The following CEND1 variants were observed in gnomAD, a reference collection of about 807,000 sequenced individuals.
The protein encoded by CEND1 is cell cycle exit and neuronal differentiation protein 1.
In CEND1, 1 loss-of-function variant was observed where a neutral mutation model predicts 4.4. That is an observed-to-expected ratio of 0.23 (90% CI 0.08 to 1.09). The LOEUF (loss-of-function observed/expected upper bound fraction) is 1.09. Ranked by LOEUF, CEND1 falls within the 50% of genes least tolerant of loss-of-function variation. CEND1 has a pLI of 0.55. For synonymous variants in CEND1, 109 were observed against 93.0 expected (o/e 1.17, Z -0.99); for missense variants, 213 against 201.2 (o/e 1.06, Z -0.35).
Position 788,315 on chromosome 11 carries a change from G to T in CEND1, c.262C>A (p.Pro88Thr). The T allele has an allele frequency of 6.2e-7, 1 of 1,607,398 alleles. No homozygotes were observed. The highest frequency in any genetic ancestry group is 8.5e-7 in the Non-Finnish European group (1 of 1,175,272). Reference sequence around the variant, plus strand: ...CCCTTGGGCTCCGGGGTTGCATCGGGACTGCTGGGGACCGTGGGGGCTGGC... The same window carrying T: ...CCCTTGGGCTCCGGGGTTGCATCGGTACTGCTGGGGACCGTGGGGGCTGGC... ...LKPAPTVPSS[P>T]DATPEPKGPG... The change falls in exon 2 of 2, where the codon CCC (proline) becomes ACC (threonine). Residue 88 changes from proline to threonine, a missense_variant. Pro to Thr is a conservative substitution (Grantham distance 38). Coordinates refer to ENST00000330106, the MANE Select transcript of CEND1 (RefSeq NM_016564.4).
rs1276004834 is a variant in CEND1 at position 788,246 on chromosome 11, G to A, written c.331C>T (p.Pro111Ser). Residue 111 changes from proline to serine, a missense_variant, in exon 2 of 2, where the codon CCT becomes TCT. By Grantham distance (74) the Pro-to-Ser change is moderately conservative (BLOSUM62 -1). Coordinates refer to ENST00000330106, the MANE Select transcript of CEND1 (RefSeq NM_016564.4). ...AEEDEAASGG[P>S]GGRGPWSCEN... Reference sequence around the variant, plus strand: ...CAGGACCAGGGACCTCGGCCCCCAGGCCCCCCACTGGCAGCCTCATCTTCC... The same window carrying A: ...CAGGACCAGGGACCTCGGCCCCCAGACCCCCCACTGGCAGCCTCATCTTCC... 1 of 1,610,852 alleles carries A rather than the reference G, an allele frequency of 6.2e-7. No homozygotes were observed. The highest frequency in any genetic ancestry group is 2.2e-5 in the East Asian group (1 of 44,774).
chr11:788,015 G>T lies in CEND1; in HGVS notation c.*112C>A. 1 of 837,114 alleles carries T rather than the reference G, an allele frequency of 1.2e-6. No homozygotes were observed. Among genetic ancestry groups the T allele is most frequent in the Non-Finnish European group, 1.7e-6 (1 of 572,160 alleles). 51.9% of individuals were successfully genotyped at this position (837,114 alleles called of 1,614,324 possible). A position where few individuals can be genotyped will look rare whatever the true frequency, so the allele number is the denominator to read the frequency against. On this transcript the variant is annotated 3_prime_UTR_variant, in exon 2 of 2. Transcript: ENST00000330106. The stretch of plus-strand genomic sequence containing the variant: ...GCGCGTGTGTTGGGGGCGTATGTAG[G>T]TGTGTAATGAATGTGCGTGTGTACG...
rs1339721858 is a variant in CEND1, at chr11:790,085, G to A, written c.-138C>T. 1 of 152,228 alleles carries A rather than the reference G, an allele frequency of 6.6e-6. No homozygotes were observed. The highest frequency in any genetic ancestry group is 1.5e-5 in the Non-Finnish European group (1 of 67,974). The allele number at this position is 152,228 out of a possible 1,614,324, so 9.4% of individuals were successfully genotyped here. On this transcript the variant is annotated 5_prime_UTR_variant, in exon 1 of 2. Transcript: ENST00000330106. ...TCCTCCGCGGGATGACGGCGGCTGC[G>A]AACGCGGAGGAGAGCTCGGGAGTTT...
chr11:788,201 G>T lies in CEND1; in HGVS notation c.376C>A (p.Leu126Met), dbSNP rs754102047. The T allele has an allele frequency of 6.2e-7, 1 of 1,608,424 alleles. No individual in the cohort carries two copies. The highest frequency in any genetic ancestry group is 1.1e-5 in the South Asian group (1 of 90,430). ...GCCACGGCCACACCCCCAGCCACCA[G>T]CAGGGGGTTGAAGTTCTCACAGGAC... The part of the protein sequence containing the change: ...PWSCENFNPL[L>M]VAGGVAVAAI... The change falls in exon 2 of 2, where the codon CTG becomes ATG. Residue 126 changes from leucine (L) to methionine (M), a missense_variant. By Grantham distance (15) the Leu-to-Met change is conservative (BLOSUM62 2). Coordinates refer to ENST00000330106, the MANE Select transcript of CEND1 (RefSeq NM_016564.4).
rs539460028 is a variant in CEND1, at chr11:787,259, C to T, written c.*868G>A. 68 of 152,964 alleles carry T rather than the reference C, an allele frequency of 4.4e-4. No individual in the cohort carries two copies. The highest frequency in any genetic ancestry group is 1.4e-3 in the South Asian group (7 of 4,840). The allele number at this position is 152,964 out of a possible 1,614,324, so 9.5% of individuals were successfully genotyped here. On this transcript the variant is annotated 3_prime_UTR_variant, in exon 2 of 2. Coordinates refer to ENST00000330106, the MANE Select transcript of CEND1 (RefSeq NM_016564.4). ...GCCTGCTGCTGCGCGCCAAGGGCCA[C>T]GCTGGGACTGGATGTGCTAAGGAGG...
In CEND1 at chr11:788,505, G is replaced by A; in HGVS notation, c.72C>T (p.Ala24=). 1.3e-6 allele frequency: 2 copies of A among 1,532,080 alleles called. No homozygotes were observed. The highest frequency in any genetic ancestry group is 1.8e-6 in the Non-Finnish European group (2 of 1,139,718). The allele number at this position is 1,532,080 out of a possible 1,614,324, so 94.9% of individuals were successfully genotyped here. Residue 24 remains alanine, a synonymous_variant, in exon 2 of 2, where the codon GCC becomes GCT. Coordinates refer to ENST00000330106, the MANE Select transcript of CEND1 (RefSeq NM_016564.4). ...DTKVPQVTTE[A]KVPPAADGKA... Reference sequence around the variant, plus strand: ...TCCCATCGGCTGCCGGGGGTACCTTGGCCTCGGTGGTGACCTGGGGCACCT... The same window carrying A: ...TCCCATCGGCTGCCGGGGGTACCTTAGCCTCGGTGGTGACCTGGGGCACCT...
rs769506630 is a variant in CEND1 at position 788,450 on chromosome 11, CCTT to C, written c.124_126del (p.Lys42del). 2.5e-5 allele frequency: 40 copies of C among 1,574,802 alleles called. 1 individual carries two copies. The highest frequency in any genetic ancestry group is 4.5e-5 in the East Asian group (2 of 44,278). The stretch of plus-strand genomic sequence containing the variant: ...GGCTGCTGCTTCTCGGCCGGGGCCT[CCTT>C]CTTCGAGGGCTTGGTCAAGGGGGCT... On this transcript the variant is annotated inframe_deletion, in exon 2 of 2. Transcript: ENST00000330106.
chr11:787,847 G>T lies in CEND1; in HGVS notation c.*280C>A. 1 of 275,498 alleles carries T rather than the reference G, an allele frequency of 3.6e-6. No homozygotes were observed. Among genetic ancestry groups the T allele is most frequent in the Non-Finnish European group, 6.7e-6 (1 of 148,388 alleles). The allele number at this position is 275,498 out of a possible 1,614,324, so 17.1% of individuals were successfully genotyped here. On this transcript the variant is annotated 3_prime_UTR_variant, in exon 2 of 2. Transcript: ENST00000330106. ...CAGGGGTGGGGGGGGCCACACACAG[G>T]GTCCATTCCTTTCTTGCCGTTCCCC...
Position 787,976 on chromosome 11 carries a change from G to A in CEND1, c.*151C>T, listed in dbSNP as rs948497680. 21 of 558,962 alleles carry A rather than the reference G, an allele frequency of 3.8e-5. No homozygotes were observed. Among genetic ancestry groups the A allele is most frequent in the Admixed American group, 1.9e-4 (5 of 26,228 alleles). 34.6% of individuals were successfully genotyped at this position (558,962 alleles called of 1,614,324 possible). A position where few individuals can be genotyped will look rare whatever the true frequency, so the allele number is the denominator to read the frequency against. The stretch of plus-strand genomic sequence containing the variant: ...TGGGTCAGCAGGGGTGGGCTCGGGC[G>A]TCCTCTTCACCGTGCGCGTGTGTTG... On this transcript the variant is annotated 3_prime_UTR_variant, in exon 2 of 2. Transcript: ENST00000330106.
In CEND1 at chr11:790,027, T is replaced by C. The variant is rs1864430843; in HGVS notation, c.-83+3A>G. ...CCCGCCCGCCGGGAGCCCCCCGCCT[T>C]ACGCGTCCTCCGGCCTCCCCGGGGC... is the stretch of plus-strand genomic sequence containing the variant. On this transcript the variant is annotated splice_donor_region_variant and intron_variant, in intron 1 of 1. Transcript: ENST00000330106. 1 of 152,288 alleles carries C rather than the reference T, an allele frequency of 6.6e-6. No individual in the cohort carries two copies. The highest frequency in any genetic ancestry group is 1.5e-5 in the Non-Finnish European group (1 of 67,858). The allele number at this position is 152,288 out of a possible 1,614,324, so 9.4% of individuals were successfully genotyped here.
Position 787,336 on chromosome 11 carries a change from G to A in CEND1, c.*791C>T, listed in dbSNP as rs116184888. On this transcript the variant is annotated 3_prime_UTR_variant, in exon 2 of 2. Coordinates refer to ENST00000330106, the MANE Select transcript of CEND1 (RefSeq NM_016564.4). Reference sequence around the variant, plus strand: ...CAGTGGGCTGAGGACAGTGTGTGACGGTCGCCGCCAAAAGCAGTTCTACTC... The same window carrying A: ...CAGTGGGCTGAGGACAGTGTGTGACAGTCGCCGCCAAAAGCAGTTCTACTC... 1,521 of 152,832 alleles carry A rather than the reference G, an allele frequency of 1.0e-2. 7 individuals carry two copies. The highest frequency in any genetic ancestry group is 0.027 in the Middle Eastern group (8 of 296). The allele number at this position is 152,832 out of a possible 1,614,324, so 9.5% of individuals were successfully genotyped here.
At chr11:788,862 G>A (rs1166027585) in intron 1 of CEND1, among the ~76,000 whole-genome samples, 2 of 152,116 alleles carry the variant, frequency 1.3e-5, no homozygotes, top group African/African-American at 4.8e-5. Flanking sequence ...CCCTCCAGCC[G>A]CAGAGGCAAG....
Position 787,967 on chromosome 11 carries a change from G to C in CEND1, c.*160C>G. ...GGGAAGTCCTGGGTCAGCAGGGGTG[G>C]GCTCGGGCGTCCTCTTCACCGTGCG... On this transcript the variant is annotated 3_prime_UTR_variant, in exon 2 of 2. Transcript: ENST00000330106. 3.9e-6 allele frequency: 2 copies of C among 516,488 alleles called. No homozygotes were observed. Among genetic ancestry groups the C allele is most frequent in the Non-Finnish European group, 6.3e-6 (2 of 318,646 alleles). 32.0% of individuals were successfully genotyped at this position (516,488 alleles called of 1,614,324 possible).
Position 788,008 on chromosome 11 carries a change from T to C in CEND1, c.*119A>G. 1 of 746,438 alleles carries C rather than the reference T, an allele frequency of 1.3e-6. No individual in the cohort carries two copies. 46.2% of individuals were successfully genotyped at this position (746,438 alleles called of 1,614,324 possible). Reference sequence around the variant, plus strand: ...TCACCGTGCGCGTGTGTTGGGGGCGTATGTAGGTGTGTAATGAATGTGCGT... The same window carrying C: ...TCACCGTGCGCGTGTGTTGGGGGCGCATGTAGGTGTGTAATGAATGTGCGT... On this transcript the variant is annotated 3_prime_UTR_variant, in exon 2 of 2. Coordinates refer to ENST00000330106, the MANE Select transcript of CEND1 (RefSeq NM_016564.4).
In CEND1 at chr11:788,410, G is replaced by GTGGGGGCTGC. The variant is rs1864387338; in HGVS notation, c.157_166dup (p.Thr56SerfsTer53). The GTGGGGGCTGC allele has an allele frequency of 1.3e-6, 2 of 1,589,850 alleles. No homozygotes were observed. ...CGAGGTCTTCTTGGCAGGTGCCGTGGTGGGGGCTGCTGGCGGCTGCTGCTT... is the reference window on the plus strand; with the variant it reads ...CGAGGTCTTCTTGGCAGGTGCCGTGGTGGGGGCTGCTGGGGGCTGCTGGCGGCTGCTGCTT... On this transcript the variant is annotated frameshift_variant, in exon 2 of 2. Transcript: ENST00000330106. LOFTEE classifies it high-confidence loss of function.
chr11:787,865 C>G lies in CEND1; in HGVS notation c.*262G>C. 3.2e-6 allele frequency: 1 copy of G among 312,222 alleles called. No individual in the cohort carries two copies. The allele number at this position is 312,222 out of a possible 1,614,324, so 19.3% of individuals were successfully genotyped here. A position where few individuals can be genotyped will look rare whatever the true frequency, so the allele number is the denominator to read the frequency against. ...CACACAGGGTCCATTCCTTTCTTGC[C>G]GTTCCCCAGCTGTGCCCTCGCCCCA... On this transcript the variant is annotated 3_prime_UTR_variant, in exon 2 of 2. Transcript: ENST00000330106.
intron 1 of CEND1, among the ~76,000 whole-genome samples, chr11:789,623 C>G (rs899251648): frequency 1.3e-5 from 2 of 152,140 alleles, no homozygotes; most frequent in African/African-American, 2.4e-5. Flanking sequence ...GAAATGCCCT[C>G]CAGACCTGCA....
In CEND1 at chr11:788,385, C is replaced by G; in HGVS notation, c.192G>C (p.Ser64=). The change falls in exon 2 of 2, where the codon TCG becomes TCC. Residue 64 remains serine (S), a synonymous_variant. Coordinates refer to ENST00000330106, the MANE Select transcript of CEND1 (RefSeq NM_016564.4). ...APTTAPAKKT[S]AKADPALLNN... The stretch of plus-strand genomic sequence containing the variant: ...TGAGAAGGGCAGGGTCGGCCTTGGC[C>G]GAGGTCTTCTTGGCAGGTGCCGTGG... 6.3e-7 allele frequency: 1 copy of G among 1,595,580 alleles called. No homozygotes were observed. The highest frequency in any genetic ancestry group is 2.2e-5 in the East Asian group (1 of 44,476).
intron 1 of CEND1, 141 bp from the exon 2 acceptor site, chr11:788,799 A>G: frequency 2.4e-6 from 1 of 417,764 alleles, no homozygotes; most frequent in Non-Finnish European, 4.2e-6. Flanking sequence ...GGCCTCTGAC[A>G]CTTCTCTTTC....
Sources: allele counts gnomAD v4.1 joint callset (sites outside exome capture counted in the v4.1 genomes callset), GRCh38; gene constraint gnomAD v4.1.1; transcripts MANE v1.5; gene names NCBI Gene and HGNC (gene_info 2026-07-23, HGNC 2026-07-21).